MYCBP2: variants seen among roughly 807,000 people sequenced by gnomAD.
MYCBP2 encodes the protein E3 ubiquitin-protein ligase MYCBP2.
MYCBP2 carries 120 observed loss-of-function variants against 525.3 expected under a neutral mutation model. The ratio of observed to expected loss-of-function variants is 0.23; its 90% CI spans 0.20 to 0.27. The LOEUF (loss-of-function observed/expected upper bound fraction) is 0.27, where lower values mean the gene tolerates loss of function less well. MYCBP2 is among the 10% of genes least tolerant of loss of function. The probability of loss-of-function intolerance (pLI) is 1.00; values close to 1 mark genes in which losing one functional copy is unlikely to be tolerated. For missense variants in MYCBP2, 4,149 were observed against 5,657.1 expected, an observed-to-expected ratio of 0.73 and a Z score of 8.55; for synonymous variants, 1,894 against 1,955.8, an observed-to-expected ratio of 0.97 and a Z score of 0.83.
At chr13:77,192,971 A>G (rs1276380921) in intron 27 of MYCBP2, among the ~76,000 whole-genome samples, 2 of 152,068 alleles carry the variant, frequency 1.3e-5, no homozygotes, top group African/African-American at 4.8e-5. Flanking sequence ...TCTACTAAAA[A>G]TACAAACATT....
intron 17 of MYCBP2, among the ~76,000 whole-genome samples, chr13:77,240,088 C>A (rs914329947): frequency 6.6e-6 from 1 of 152,020 alleles, no homozygotes; most frequent in Admixed American, 6.5e-5. Flanking sequence ...ATATCATATT[C>A]ATCTAATTTT....
intron 4 of MYCBP2, among the ~76,000 whole-genome samples, chr13:77,277,218 A>T (rs1213099929): frequency 6.6e-6 from 1 of 152,214 alleles, no homozygotes; most frequent in Non-Finnish European, 1.5e-5. Context: ...GCTAACTAAC[A>T]AACCAAATCC....
chr13:77,234,175 A>C (rs1410392084), intron 17 of MYCBP2, among the ~76,000 whole-genome samples: 1 of 151,944 alleles, frequency 6.6e-6, no homozygotes, highest in Non-Finnish European at 1.5e-5. Flanking sequence ...TTACAACTTA[A>C]AATTTTAGGT....
chr13:77,282,119 C>G (rs1271214762), intron 3 of MYCBP2, among the ~76,000 whole-genome samples: 1 of 151,906 alleles, frequency 6.6e-6, no homozygotes, highest in African/African-American at 2.4e-5. Flanking sequence ...ATGGAGAATT[C>G]TGAATGTGAG....
chr13:77,140,230 A>G, intron 50 of MYCBP2, 67 bp from the exon 51 acceptor site: 1 of 958,856 alleles, frequency 1.0e-6, no homozygotes. Context: ...AAGTAGCAAG[A>G]AGTAAAATTA....
At chr13:77,124,252 A>T (rs1013436836) in intron 54 of MYCBP2, among the ~76,000 whole-genome samples, 1 of 152,178 alleles carries the variant, frequency 6.6e-6, no homozygotes, top group Non-Finnish European at 1.5e-5. Context: ...ATTTAAGATT[A>T]TATCACCTAC....
chr13:77,124,959 T>G (rs1315745715), intron 54 of MYCBP2, among the ~76,000 whole-genome samples: 14 of 152,178 alleles, frequency 9.2e-5, no homozygotes, highest in Non-Finnish European at 2.9e-5. Context: ...TCAAATGAAG[T>G]TGCCTGGGAG....
intron 73 of MYCBP2, among the ~76,000 whole-genome samples, chr13:77,063,193 A>T (rs1401839871): frequency 6.6e-6 from 1 of 152,158 alleles, no homozygotes; most frequent in Non-Finnish European, 1.5e-5. Flanking sequence ...TTGTTGCCCC[A>T]GAAAGCCTAA....
At chr13:77,200,254 T>G (rs1176566331) in intron 26 of MYCBP2, among the ~76,000 whole-genome samples, 1 of 152,000 alleles carries the variant, frequency 6.6e-6, no homozygotes, top group Non-Finnish European at 1.5e-5. Flanking sequence ...TGCAGAAGCC[T>G]CAGGAGCCGA....
At chr13:77,261,974 A>G (rs2073368849) in intron 11 of MYCBP2, 79 bp downstream of exon 11, 3 of 1,132,292 alleles carry the variant, frequency 2.6e-6, no homozygotes, top group Non-Finnish European at 3.9e-6. Context: ...CATGCAAACT[A>G]TATAAACTAA....
At position 77,201,508 on chromosome 13, in the gene MYCBP2, T is replaced by C. The variant is rs371068547; in HGVS notation, c.3843+3748A>G. Among the ~76,000 whole-genome samples the C allele has an allele frequency of 5.9e-5, 9 of 152,032 alleles. 1 individual carries two copies. The highest frequency in any genetic ancestry group is 4.2e-4 in the South Asian group (2 of 4,806). ...ACAAGACAGAAAGTCAACAAGGATATCCAGGAATTGAACTCAGCTCTGCAC... is the reference window on the plus strand; with the variant it reads ...ACAAGACAGAAAGTCAACAAGGATACCCAGGAATTGAACTCAGCTCTGCAC... On this transcript the variant is annotated intron_variant, in intron 26 of 82. Transcript: ENST00000544440.
chr13:77,072,300 GAAAAA>G (rs56238720), intron 68 of MYCBP2, among the ~76,000 whole-genome samples: 2 of 121,192 alleles, frequency 1.7e-5, no homozygotes, highest in South Asian at 2.7e-4. Context: ...CAAAAAAAAA[GAAAAA>G]AAAAAAAAAA....
chr13:77,310,898 T>G lies in MYCBP2; in HGVS notation c.303-14224A>C, dbSNP rs555827013. ...TAAGAGAGTTCTGGTTCCAGTACAT[T>G]GGCATAAACCCCAAAACAGCCTATT... On this transcript the variant is annotated intron_variant, in intron 1 of 82. Coordinates refer to ENST00000544440, the MANE Select transcript of MYCBP2 (RefSeq NM_015057.5). Among the ~76,000 whole-genome samples the G allele has an allele frequency of 2.0e-5, 3 of 152,258 alleles. No homozygotes were observed. The East Asian group carries it at 5.8e-4, about 29-fold the overall frequency.
chr13:77,113,108 A>G (rs1484773997), intron 55 of MYCBP2, among the ~76,000 whole-genome samples: 1 of 152,164 alleles, frequency 6.6e-6, no homozygotes, highest in Non-Finnish European at 1.5e-5. Context: ...TTTGTGATTC[A>G]TTGGATCTCT....
intron 55 of MYCBP2, among the ~76,000 whole-genome samples, chr13:77,107,961 T>C (rs1044375635): frequency 6.6e-5 from 10 of 152,114 alleles, no homozygotes; most frequent in Middle Eastern, 3.2e-3. Flanking sequence ...AAGATTTATT[T>C]ACATAAATGT....
intron 26 of MYCBP2, among the ~76,000 whole-genome samples, chr13:77,200,230 A>T (rs2062330480): frequency 6.6e-6 from 1 of 152,206 alleles, no homozygotes; most frequent in Non-Finnish European, 1.5e-5. Context: ...AAGGCTCGAG[A>T]ACTACGTGAA....
intron 15 of MYCBP2, among the ~76,000 whole-genome samples, chr13:77,247,266 T>G (rs982170313): frequency 3.3e-5 from 5 of 152,130 alleles, no homozygotes; most frequent in Non-Finnish European, 7.4e-5. Context: ...AGTAGGAAGA[T>G]ACAAAGTCAA....
chr13:77,181,720 T>C lies in MYCBP2; in HGVS notation c.4922A>G (p.His1641Arg). The C allele has an allele frequency of 1.9e-6, 3 of 1,613,972 alleles. No individual in the cohort carries two copies. Among genetic ancestry groups the C allele is most frequent in the Non-Finnish European group, 2.5e-6 (3 of 1,179,962 alleles). The change falls in exon 33 of 83, where the codon CAT (histidine) becomes CGT (arginine). Residue 1641 changes from histidine to arginine, a missense_variant. Transcript: ENST00000544440. ...LVHRFPLLVA[H>R]MEKLSQSEEN... is the part of the protein sequence containing the mutation. ...ACCTACCTGGCTGAGTTTTTCCATA[T>C]GTGCCACCAAAAGGGGAAAACGATG...
chr13:77,065,892 G>A, intron 72 of MYCBP2, 100 bp downstream of exon 72: 1 of 720,048 alleles, frequency 1.4e-6, no homozygotes, highest in Non-Finnish European at 2.3e-6. Flanking sequence ...TTTAAGTAAA[G>A]TTACACTAAT....
Sources: allele counts gnomAD v4.1 joint callset (sites outside exome capture counted in the v4.1 genomes callset), GRCh38; gene constraint gnomAD v4.1.1; transcripts MANE v1.5; gene names NCBI Gene and HGNC (gene_info 2026-07-23, HGNC 2026-07-21).